Variants in ATP6V1C1 observed in about 807,000 individuals in gnomAD.
The protein encoded by ATP6V1C1 is V-type proton ATPase subunit C 1.
A neutral mutation model predicts 53.9 loss-of-function variants in ATP6V1C1; 45 were observed. That is an observed-to-expected ratio of 0.83 (90% confidence interval 0.66 to 1.07). ATP6V1C1 has a LOEUF of 1.07. Ranked by LOEUF, ATP6V1C1 falls within the 50% of genes least tolerant of loss-of-function variation. The pLI, the probability that ATP6V1C1 is intolerant of heterozygous loss-of-function variation, is 0.00. For synonymous variants in ATP6V1C1, 153 were observed against 155.2 expected, an observed-to-expected ratio of 0.99 and a Z score of 0.11; for missense variants, 315 against 440.3, an observed-to-expected ratio of 0.72 and a Z score of 2.55.
At chr8:103,022,340 C>T (rs914057274) in intron 1 of ATP6V1C1, among the ~76,000 whole-genome samples, 1 of 152,102 alleles carries the variant, frequency 6.6e-6, no homozygotes, top group African/African-American at 2.4e-5. Flanking sequence ...CAGTGGATTG[C>T]ACTGCGGAGA....
chr8:103,047,423 T>TGA (rs1191449730), intron 3 of ATP6V1C1, among the ~76,000 whole-genome samples: 6,848 of 121,054 alleles, frequency 0.057, 691 homozygotes, highest in African/African-American at 0.19. Context: ...AAAAAAAAAA[T>TGA]GCGCGCGCAC....
At chr8:103,057,992 G>C (rs2515201) in intron 8 of ATP6V1C1, among the ~76,000 whole-genome samples, 19,137 of 152,160 alleles carry the variant, frequency 0.13, 1,364 homozygotes, top group Middle Eastern at 0.16. Context: ...GTGTCTAGGA[G>C]GCAGGTAGAG....
chr8:103,042,518 G>A (rs1415994944), intron 3 of ATP6V1C1, 111 bp downstream of exon 3: 1 of 1,035,360 alleles, frequency 9.7e-7, no homozygotes, highest in African/African-American at 1.6e-5. Context: ...AATGGTTTTA[G>A]AAAACGACTT....
At chr8:103,038,009 G>T (rs561790307) in intron 1 of ATP6V1C1, among the ~76,000 whole-genome samples, 27 of 152,336 alleles carry the variant, frequency 1.8e-4, no homozygotes, top group African/African-American at 6.3e-4. Context: ...ATACCCAAAA[G>T]AGTTGGCAGT....
At chr8:103,067,203 G>T (rs368280660) in intron 12 of ATP6V1C1, among the ~76,000 whole-genome samples, 2 of 151,614 alleles carry the variant, frequency 1.3e-5, no homozygotes, top group African/African-American at 4.8e-5. Context: ...GTTTGAGACC[G>T]GCCTGGCCAA....
chr8:103,060,270 C>T (rs1347405654), intron 8 of ATP6V1C1, among the ~76,000 whole-genome samples: 1 of 152,082 alleles, frequency 6.6e-6, no homozygotes, highest in South Asian at 2.1e-4. Context: ...TGCTGAGCCC[C>T]GGTTATACTT....
intron 1 of ATP6V1C1, among the ~76,000 whole-genome samples, chr8:103,037,436 G>A (rs1359068970): frequency 1.3e-5 from 2 of 152,106 alleles, no homozygotes; most frequent in African/African-American, 2.4e-5. Flanking sequence ...CCTGCCTCAG[G>A]ATCCAAAAAT....
intron 12 of ATP6V1C1, among the ~76,000 whole-genome samples, chr8:103,068,403 A>G (rs1817532032): frequency 6.6e-6 from 1 of 152,240 alleles, no homozygotes; most frequent in South Asian, 2.1e-4. Context: ...CATGCTAAAT[A>G]CATATGCAGT....
intron 1 of ATP6V1C1, among the ~76,000 whole-genome samples, chr8:103,030,422 A>G (rs1035565836): frequency 6.6e-6 from 1 of 152,252 alleles, no homozygotes; most frequent in Non-Finnish European, 1.5e-5. Flanking sequence ...CAACAAAACC[A>G]GATGAGACTT....
chr8:103,068,381 GGTT>G (rs1337138291), intron 12 of ATP6V1C1, among the ~76,000 whole-genome samples: 1 of 152,298 alleles, frequency 6.6e-6, no homozygotes, highest in East Asian at 1.9e-4. Context: ...ACATAAAAAA[GGTT>G]GGTGGGATCA....
chr8:103,048,790 T>C, intron 3 of ATP6V1C1, 80 bp from the exon 4 acceptor site: 1 of 1,210,894 alleles, frequency 8.3e-7, no homozygotes, highest in Middle Eastern at 2.2e-4. Flanking sequence ...AATTCATGTC[T>C]TTATGTAATA....
At position 103,044,129 on chromosome 8, in the gene ATP6V1C1, G is replaced by A. The variant is rs564847526; in HGVS notation, c.200+1722G>A. Among the ~76,000 whole-genome samples, 7 of 151,410 alleles carry A rather than the reference G, an allele frequency of 4.6e-5. No individual in the cohort carries two copies. The East Asian group carries it at 5.9e-4, about 13-fold the overall frequency. The stretch of plus-strand genomic sequence containing the variant: ...GTCTCGAACTCCTGACATGATGCGC[G>A]TGCCTCAGCCTCCCAAAGTGCTGGG... On this transcript the variant is annotated intron_variant, in intron 3 of 12. Transcript: ENST00000518738.
chr8:103,062,619 T>C (rs1817422337), intron 8 of ATP6V1C1, among the ~76,000 whole-genome samples: 1 of 152,038 alleles, frequency 6.6e-6, no homozygotes, highest in Non-Finnish European at 1.5e-5. Context: ...AAAAGAAGAG[T>C]GTGCTTATCA....
chr8:103,063,993 T>TA (rs756077873), intron 10 of ATP6V1C1, among the ~76,000 whole-genome samples: 2 of 152,174 alleles, frequency 1.3e-5, no homozygotes, highest in Non-Finnish European at 2.9e-5. Flanking sequence ...AAAATCCTTT[T>TA]AAAAAATAGA....
Position 103,068,833 on chromosome 8 carries a change from T to A in ATP6V1C1, c.*86T>A. On this transcript the variant is annotated 3_prime_UTR_variant, in exon 13 of 13. Transcript: ENST00000518738. ...TGCAGTATGGTCGTACTTTTAACTC[T>A]AGTATCCTTTGCTTGCTTCTTACGC... The A allele has an allele frequency of 8.8e-7, 1 of 1,136,682 alleles. No homozygotes were observed. The highest frequency in any genetic ancestry group is 1.6e-5 in the South Asian group (1 of 62,174). The allele number at this position is 1,136,682 out of a possible 1,614,324, so 70.4% of individuals were successfully genotyped here.
In ATP6V1C1 at chr8:103,062,955, T is replaced by G. The variant is rs777180283; in HGVS notation, c.642T>G (p.Asn214Lys). 6.2e-7 allele frequency: 1 copy of G among 1,613,022 alleles called. No individual in the cohort carries two copies. The highest frequency in any genetic ancestry group is 1.1e-5 in the South Asian group (1 of 91,002). ...AAATGGACTTTTTTTTTTTCCATAG[T>G]GTTCTTTCAGAGGACCAAGACAGTT... ...LAEMVVPRSS[N>K]VLSEDQDSYL... is the part of the protein sequence containing the mutation. Residue 214 changes from asparagine to lysine, a missense_variant and splice_region_variant, in exon 9 of 13, where the codon AAT (asparagine) becomes AAG (lysine). Coordinates refer to ENST00000518738, the MANE Select transcript of ATP6V1C1 (RefSeq NM_001695.5).
intron 1 of ATP6V1C1, among the ~76,000 whole-genome samples, chr8:103,036,498 A>G (rs775431748): frequency 6.6e-6 from 1 of 152,204 alleles, no homozygotes; most frequent in South Asian, 2.1e-4. Flanking sequence ...ACCAACCTGA[A>G]CAACATATCA....
At chr8:103,026,632 G>C (rs1224152181) in intron 1 of ATP6V1C1, among the ~76,000 whole-genome samples, 1 of 152,130 alleles carries the variant, frequency 6.6e-6, no homozygotes, top group East Asian at 1.9e-4. Flanking sequence ...GGCCAACATG[G>C]TGAAACCCTG....
rs1817600999 is a variant in ATP6V1C1 at position 103,072,388 on chromosome 8, T to C, written c.*3641T>C. 6.6e-6 allele frequency: 1 copy of C among 152,234 alleles called. No homozygotes were observed. The highest frequency in any genetic ancestry group is 1.5e-5 in the Non-Finnish European group (1 of 68,044). 9.4% of individuals were successfully genotyped at this position (152,234 alleles called of 1,614,324 possible). ...CATATGCACAAGGTTAAAAACCACA[T>C]ATACAAATACTATAGAACAGCTTAT... On this transcript the variant is annotated 3_prime_UTR_variant, in exon 13 of 13. Coordinates refer to ENST00000518738, the MANE Select transcript of ATP6V1C1 (RefSeq NM_001695.5).
Sources: allele counts gnomAD v4.1 joint callset (sites outside exome capture counted in the v4.1 genomes callset), GRCh38; gene constraint gnomAD v4.1.1; transcripts MANE v1.5; gene names NCBI Gene and HGNC (gene_info 2026-07-23, HGNC 2026-07-21).